The following MYH10 variants were observed in gnomAD, a reference collection of about 807,000 sequenced individuals.
MYH10 encodes myosin-10.
A neutral mutation model predicts 257.8 loss-of-function variants in MYH10; 55 were observed. The observed-to-expected ratio is 0.21, with a 90% confidence interval of 0.17 to 0.27. The LOEUF (loss-of-function observed/expected upper bound fraction) is 0.27, where lower values mean the gene tolerates loss of function less well. Ranked by LOEUF, MYH10 falls within the 10% of genes least tolerant of loss-of-function variation. MYH10 has a pLI of 1.00. For synonymous variants in MYH10, 854 were observed against 921.7 expected (o/e 0.93, Z 1.33); for missense variants, 1,631 against 2,500.6 (o/e 0.65, Z 7.42).
At chr17:8,619,232 C>T (rs1203170593) in intron 2 of MYH10, among the ~76,000 whole-genome samples, 1 of 152,172 alleles carries the variant, frequency 6.6e-6, no homozygotes, top group Non-Finnish European at 1.5e-5. Flanking sequence ...TTACCAAGGA[C>T]ATTCTTGAGT....
chr17:8,618,148 A>C (rs920787524), intron 2 of MYH10, among the ~76,000 whole-genome samples: 4 of 152,188 alleles, frequency 2.6e-5, no homozygotes, highest in Non-Finnish European at 5.9e-5. Context: ...AGACTTACAG[A>C]TATTTAGTTG....
intron 17 of MYH10, among the ~76,000 whole-genome samples, chr17:8,530,107 A>G (rs1487020957): frequency 6.6e-6 from 1 of 152,228 alleles, no homozygotes; most frequent in African/African-American, 2.4e-5. Context: ...ATTCCAAACA[A>G]AAGGTATAAT....
At position 8,499,382 on chromosome 17, in the gene MYH10, T is replaced by C. The variant is rs369244333; in HGVS notation, c.3839A>G (p.Glu1280Gly). The change falls in exon 30 of 43, where the codon GAG becomes GGG. Residue 1280 changes from glutamate (E) to glycine (G), a missense_variant. Transcript: ENST00000360416. The stretch of plus-strand genomic sequence containing the variant: ...GAGCTTCTTCCTCTTGTGCTCAGAC[T>C]CAGCCTTGACCTGCTGCAGGACCTT... The part of the protein sequence containing the change: ...EVKVLQQVKA[E>G]SEHKRKKLDA... 1.2e-6 allele frequency: 2 copies of C among 1,614,204 alleles called. No individual in the cohort carries two copies. The highest frequency in any genetic ancestry group is 1.7e-6 in the Non-Finnish European group (2 of 1,180,036).
At chr17:8,510,008 T>C in intron 24 of MYH10, 59 bp from the exon 25 acceptor site, 1 of 1,541,654 alleles carries the variant, frequency 6.5e-7, no homozygotes, top group South Asian at 1.2e-5. Context: ...ACACATTCAT[T>C]GTGCACAGGA....
rs1435705150 is a variant in MYH10, at chr17:8,535,601, G to A, written c.1780-100C>T. On this transcript the variant is annotated intron_variant, in intron 15 of 42. Transcript: ENST00000360416. This position sits in a 1 kb window ranked among gnomAD's most constrained non-coding sequence, Gnocchi z 4.3. ...CTCAACCAGAAACTTTTATACAACA[G>A]TCCCCAAAATGGGCTGTCTGAAAGA... 7.9e-7 allele frequency: 1 copy of A among 1,269,912 alleles called. No homozygotes were observed. The highest frequency in any genetic ancestry group is 1.1e-6 in the Non-Finnish European group (1 of 903,676). 78.7% of individuals were successfully genotyped at this position (1,269,912 alleles called of 1,614,324 possible).
intron 4 of MYH10, among the ~76,000 whole-genome samples, chr17:8,580,712 C>A (rs1241747481): frequency 6.6e-6 from 1 of 152,176 alleles, no homozygotes; most frequent in East Asian, 1.9e-4. Flanking sequence ...TCTATTCATT[C>A]ATTCAATCAC....
In MYH10 at chr17:8,521,003, ATCAAGC is replaced by A. The variant is rs768722386; in HGVS notation, c.2152-10_2152-5del. The A allele has an allele frequency of 2.5e-6, 4 of 1,610,710 alleles. No individual in the cohort carries two copies. Among genetic ancestry groups the A allele is most frequent in the South Asian group, 2.2e-5 (2 of 90,926 alleles). ...GGTGTGGATCCAATTTTCCAGCCTA[ATCAAGC>A]AAACAATAGTTTCATGGTTTAATCT... On this transcript the variant is annotated splice_polypyrimidine_tract_variant and splice_region_variant and intron_variant, in intron 18 of 42. Transcript: ENST00000360416.
intron 3 of MYH10, among the ~76,000 whole-genome samples, chr17:8,601,820 A>T (rs1177283196): frequency 1.3e-5 from 2 of 152,240 alleles, no homozygotes; most frequent in Non-Finnish European, 2.9e-5. Context: ...CAATTTAAAA[A>T]AAATTAAGCT....
chr17:8,592,401 C>T (rs2084181040), intron 3 of MYH10, among the ~76,000 whole-genome samples: 1 of 151,904 alleles, frequency 6.6e-6, no homozygotes, highest in Admixed American at 6.6e-5. Context: ...AAACCTCTAG[C>T]TGAAGTAATC....
Position 8,492,284 on chromosome 17 carries a change from C to G in MYH10, c.4671+13G>C. On this transcript the variant is annotated intron_variant, in intron 34 of 42. Transcript: ENST00000360416. ...CTCCCGTGCGGAAGTGTGGAGCCCA[C>G]CAGGCGACTTACGTTTTTTCCCACA... The G allele has an allele frequency of 3.1e-6, 5 of 1,609,732 alleles. No homozygotes were observed. The highest frequency in any genetic ancestry group is 4.2e-6 in the Non-Finnish European group (5 of 1,179,590).
intron 2 of MYH10, among the ~76,000 whole-genome samples, chr17:8,615,615 C>A (rs2152095556): frequency 6.6e-6 from 1 of 152,208 alleles, no homozygotes; most frequent in Non-Finnish European, 1.5e-5. Flanking sequence ...AATATTTGGT[C>A]CTTGCAAGGT....
Position 8,628,422 on chromosome 17 carries a change from G to A in MYH10, c.-32+2232C>T, listed in dbSNP as rs1011086780. Among the ~76,000 whole-genome samples, 15 of 152,270 alleles carry A rather than the reference G, an allele frequency of 9.9e-5. No homozygotes were observed. In the East Asian group the frequency reaches 2.9e-3, roughly 29 times the overall value. ...AAATCCCTCCCAGCACCTACTATGAGTGTGGACAGAGGCAAACAATTCAAT... is the reference window on the plus strand; with the variant it reads ...AAATCCCTCCCAGCACCTACTATGAATGTGGACAGAGGCAAACAATTCAAT... On this transcript the variant is annotated intron_variant, in intron 1 of 42. Coordinates refer to ENST00000360416, the MANE Select transcript of MYH10 (RefSeq NM_001256012.3).
chr17:8,535,863 G>A lies in MYH10; in HGVS notation c.1674C>T (p.Thr558=), dbSNP rs2082126784. 6.2e-7 allele frequency: 1 copy of A among 1,613,964 alleles called. No homozygotes were observed. The highest frequency in any genetic ancestry group is 1.1e-5 in the South Asian group (1 of 91,080). The change falls in exon 15 of 43, where the codon ACC becomes ACT. Residue 558 remains threonine, a synonymous_variant. Coordinates refer to ENST00000360416, the MANE Select transcript of MYH10 (RefSeq NM_001256012.3). This position sits in a 1 kb window ranked among gnomAD's most constrained non-coding sequence, Gnocchi z 4.3. ...ECWFPKATDK[T]FVEKLVQEQG... is the part of the protein sequence containing the mutation. ...GCTCTTGAACCAGTTTTTCAACAAA[G>A]GTTTTATCTGTGGCTTTAGGGAACC...
chr17:8,500,720 C>G, intron 29 of MYH10, 106 bp downstream of exon 29: 2 of 1,377,406 alleles, frequency 1.5e-6, no homozygotes, highest in South Asian at 1.4e-5. Context: ...CGTACAGAGG[C>G]TGGAGCCTAA....
At position 8,601,007 on chromosome 17, in the gene MYH10, C is replaced by T. The variant is rs1597942739; in HGVS notation, c.502+3819G>A. 2.0e-5 allele frequency among the ~76,000 whole-genome samples: 3 copies of T among 152,298 alleles called. No homozygotes were observed. The East Asian group carries it at 5.8e-4, about 29-fold the overall frequency. On this transcript the variant is annotated intron_variant, in intron 3 of 42. Coordinates refer to ENST00000360416, the MANE Select transcript of MYH10 (RefSeq NM_001256012.3). ...AAAGGGAGTATTATGGAAATGAAAA[C>T]ATGACTGGAAACACAGTGAATTTCA...
At chr17:8,577,478 A>G (rs2083540611) in intron 4 of MYH10, 140 bp from the exon 5 acceptor site, 1 of 490,020 alleles carries the variant, frequency 2.0e-6, no homozygotes, top group Non-Finnish European at 3.6e-6. Context: ...AACTATCAGC[A>G]GTAGTTAGAA....
intron 6 of MYH10, among the ~76,000 whole-genome samples, chr17:8,573,508 T>C (rs1254158973): frequency 3.3e-5 from 5 of 152,170 alleles, no homozygotes; most frequent in Admixed American, 6.5e-5. Context: ...GTATCATTTG[T>C]AGGGGACGGT....
At chr17:8,496,422 C>T (rs1022945462) in intron 30 of MYH10, among the ~76,000 whole-genome samples, 4 of 152,212 alleles carry the variant, frequency 2.6e-5, no homozygotes, top group Non-Finnish European at 5.9e-5. Context: ...CTCCTGCCTT[C>T]AGCACCAGCT....
At chr17:8,566,449 T>C (rs2083170468) in intron 7 of MYH10, among the ~76,000 whole-genome samples, 1 of 152,118 alleles carries the variant, frequency 6.6e-6, no homozygotes, top group African/African-American at 2.4e-5. Flanking sequence ...CTGGCTGCCA[T>C]GTCATGGCAA....
Sources: gnomAD v4.1 joint callset for allele counts (sites outside exome capture counted in the v4.1 genomes callset) on GRCh38, gnomAD v4.1.1 for gene constraint, Gnocchi (gnomAD v3.1) non-coding constraint, MANE v1.5 for transcripts, NCBI Gene and HGNC (gene_info 2026-07-23, HGNC 2026-07-21) for gene names.